The following RIMBP2 variants were observed in gnomAD, a reference collection of about 807,000 sequenced individuals.
RIMBP2 encodes the protein RIMS-binding protein 2.
RIMBP2 carries 48 observed loss-of-function variants against 118.6 expected under a neutral mutation model. That is an observed-to-expected ratio of 0.40 (90% CI 0.32 to 0.51). RIMBP2 has a LOEUF of 0.51. Ranked by LOEUF, RIMBP2 falls within the 20% of genes least tolerant of loss-of-function variation. The probability of loss-of-function intolerance (pLI) is 0.41; values close to 1 mark genes in which losing one functional copy is unlikely to be tolerated. For missense variants in RIMBP2, 1,551 were observed against 1,768.3 expected, an observed-to-expected ratio of 0.88 and a Z score of 2.20; for synonymous variants, 762 against 742.9, an observed-to-expected ratio of 1.03 and a Z score of -0.42.
In RIMBP2 at chr12:130,434,914, A is replaced by AG. The variant is rs1165596452; in HGVS notation, c.2107-35dup. On this transcript the variant is annotated intron_variant, in intron 13 of 22. Coordinates refer to ENST00000690449, the MANE Select transcript of RIMBP2 (RefSeq NM_001393629.1). The surrounding 1 kb of genome is among the most constrained non-coding windows in gnomAD (Gnocchi z 5.7). ...GAAAAAGGAGGCACACGGGTGAGGC[A>AG]GGGCCACCTTCAGCTACGCTCAGCC... 2 of 1,579,008 alleles carry AG rather than the reference A, an allele frequency of 1.3e-6. No individual in the cohort carries two copies. Among genetic ancestry groups the AG allele is most frequent in the African/African-American group, 2.7e-5 (2 of 73,714 alleles).
chr12:130,535,608 G>A (rs2053922055), intron 2 of RIMBP2, among the ~76,000 whole-genome samples: 1 of 151,050 alleles, frequency 6.6e-6, no homozygotes, highest in African/African-American at 2.4e-5. Context: ...CAACAAGCCT[G>A]TAAAACACAG....
chr12:130,494,250 G>T (rs1324100944), intron 4 of RIMBP2, among the ~76,000 whole-genome samples: 1 of 152,114 alleles, frequency 6.6e-6, no homozygotes, highest in African/African-American at 2.4e-5. Flanking sequence ...GCAAGCATCA[G>T]GCCTAGAAGT....
At chr12:130,616,006 C>T (rs565895119) in intron 2 of RIMBP2, among the ~76,000 whole-genome samples, 137 of 152,268 alleles carry the variant, frequency 9.0e-4, no homozygotes, top group African/African-American at 3.2e-3. Context: ...CTCTGGCAGG[C>T]ACCAGTCTCC....
chr12:130,541,792 C>G (rs1471818104), intron 2 of RIMBP2, among the ~76,000 whole-genome samples: 1 of 152,328 alleles, frequency 6.6e-6, no homozygotes, highest in South Asian at 2.1e-4. Flanking sequence ...GCTGCAGACA[C>G]TGTATTTGTA....
rs914489296 is a variant in RIMBP2 at position 130,688,415 on chromosome 12, G to A, written c.-352+27807C>T. ...TCTGGGGCCATTGGATAACACATACGTTTGCTTAGGTATCAGATCTAATGA... is the reference window on the plus strand; with the variant it reads ...TCTGGGGCCATTGGATAACACATACATTTGCTTAGGTATCAGATCTAATGA... On this transcript the variant is annotated intron_variant, in intron 1 of 22. Coordinates refer to ENST00000690449, the MANE Select transcript of RIMBP2 (RefSeq NM_001393629.1). The surrounding 1 kb of genome is among the most constrained non-coding windows in gnomAD (Gnocchi z 4.7). Among the ~76,000 whole-genome samples, 6 of 152,162 alleles carry A rather than the reference G, an allele frequency of 3.9e-5. No homozygotes were observed. Among genetic ancestry groups the A allele is most frequent in the Admixed American group, 1.3e-4 (2 of 15,284 alleles).
intron 8 of RIMBP2, 77 bp downstream of exon 8, chr12:130,451,117 CA>C: frequency 6.7e-7 from 1 of 1,492,654 alleles, no homozygotes; most frequent in Non-Finnish European, 9.1e-7. Flanking sequence ...GAAGAAAAAA[CA>C]GGACAAACTG....
intron 2 of RIMBP2, among the ~76,000 whole-genome samples, chr12:130,595,877 C>T (rs1018321150): frequency 1.3e-5 from 2 of 152,284 alleles, no homozygotes; most frequent in Middle Eastern, 3.4e-3. Context: ...AGCTTAAAGG[C>T]GGAAGGACTC....
Position 130,617,093 on chromosome 12 carries a change from G to A in RIMBP2, c.-217+11229C>T, listed in dbSNP as rs1329147563. Among the ~76,000 whole-genome samples, 4 of 152,126 alleles carry A rather than the reference G, an allele frequency of 2.6e-5. No homozygotes were observed. The highest frequency in any genetic ancestry group is 2.6e-4 in the Admixed American group (4 of 15,282). On this transcript the variant is annotated intron_variant, in intron 2 of 22. Coordinates refer to ENST00000690449, the MANE Select transcript of RIMBP2 (RefSeq NM_001393629.1). The surrounding 1 kb of genome is among the most constrained non-coding windows in gnomAD (Gnocchi z 4.6). ...CAGGACTGCCAGCCTTACATCTCAT[G>A]TTCTGAGCTTCCTGTGGGCCAGGCC...
intron 17 of RIMBP2, among the ~76,000 whole-genome samples, chr12:130,417,951 C>T (rs185956020): frequency 4.6e-5 from 7 of 152,140 alleles, no homozygotes; most frequent in East Asian, 1.9e-4. Flanking sequence ...GTGAGAAACA[C>T]GCCAGCTGGC....
chr12:130,634,630 C>T (rs2062230261), intron 1 of RIMBP2, among the ~76,000 whole-genome samples: 1 of 151,974 alleles, frequency 6.6e-6, no homozygotes, highest in Non-Finnish European at 1.5e-5. Context: ...CTCATTCTGC[C>T]ACCTAGGCTG....
At chr12:130,407,250 C>T (rs543138214) in intron 20 of RIMBP2, among the ~76,000 whole-genome samples, 1 of 152,232 alleles carries the variant, frequency 6.6e-6, no homozygotes, top group African/African-American at 2.4e-5. Flanking sequence ...CCCCACCTCT[C>T]ATTTCTGAAG....
intron 3 of RIMBP2, among the ~76,000 whole-genome samples, chr12:130,508,781 G>A (rs1028272006): frequency 7.2e-5 from 11 of 152,184 alleles, no homozygotes; most frequent in Non-Finnish European, 1.2e-4. Context: ...CCAGAGGACC[G>A]CCTGGCAGGG....
At chr12:130,640,399 A>T (rs1194019293) in intron 1 of RIMBP2, among the ~76,000 whole-genome samples, 1 of 152,186 alleles carries the variant, frequency 6.6e-6, no homozygotes, top group Admixed American at 6.5e-5. Context: ...CTTCAGCCCA[A>T]TTATTTCTTT....
intron 1 of RIMBP2, among the ~76,000 whole-genome samples, chr12:130,708,896 G>A (rs576198317): frequency 6.6e-5 from 10 of 152,262 alleles, no homozygotes; most frequent in African/African-American, 1.4e-4. Context: ...ACCCAGCTTC[G>A]CGGTCAGGCA....
At chr12:130,468,452 A>C (rs2080703532) in intron 6 of RIMBP2, among the ~76,000 whole-genome samples, 1 of 152,100 alleles carries the variant, frequency 6.6e-6, no homozygotes, top group Non-Finnish European at 1.5e-5. Context: ...CGGGGAACCC[A>C]CTTAGAGAAC....
intron 6 of RIMBP2, among the ~76,000 whole-genome samples, chr12:130,461,840 A>G (rs1043125640): frequency 6.6e-6 from 1 of 152,168 alleles, no homozygotes; most frequent in Non-Finnish European, 1.5e-5. Flanking sequence ...TGTACAGCCT[A>G]CAGGACCATC....
intron 5 of RIMBP2, chr12:130,472,353 A>T (rs953025820): frequency 6.6e-6 from 1 of 152,252 alleles, no homozygotes; most frequent in Non-Finnish European, 1.5e-5. Flanking sequence ...AATGAGACAG[A>T]GAAGAAAAGA....
chr12:130,642,122 G>A (rs9630245), intron 1 of RIMBP2, among the ~76,000 whole-genome samples: 137,095 of 152,056 alleles, frequency 0.9, 62,308 homozygotes, highest in Non-Finnish European at 0.96. Context: ...GAGCCTGAAA[G>A]ATCTTTGCAT....
At position 130,422,536 on chromosome 12, in the gene RIMBP2, C is replaced by G. The variant is rs144873935; in HGVS notation, c.3155G>C (p.Gly1052Ala). 16 of 1,610,932 alleles carry G rather than the reference C, an allele frequency of 9.9e-6. No individual in the cohort carries two copies. The African/African-American group carries it at 2.1e-4, about 22-fold the overall frequency. The change falls in exon 17 of 23, where the codon GGA (glycine) becomes GCA (alanine). Residue 1052 changes from glycine to alanine, a missense_variant. Around this residue, in one of 5 missense-constraint regions of RIMBP2, gnomAD observed 1,038 missense variants for 1,125.1 expected, o/e 0.92. Coordinates refer to ENST00000690449, the MANE Select transcript of RIMBP2 (RefSeq NM_001393629.1). The surrounding 1 kb of genome is among the most constrained non-coding windows in gnomAD (Gnocchi z 5.2). ...PLILGNPASA[G>A]RVDHMGRRFP... ...CCTCCGGCCCATGTGATCCACCCGT[C>G]CTGCAGAGGCTGGGTTCCCTAAAAT... is the stretch of plus-strand genomic sequence containing the variant.
Sources: allele counts gnomAD v4.1 joint callset (sites outside exome capture counted in the v4.1 genomes callset), GRCh38; gene constraint gnomAD v4.1.1; regional missense constraint gnomAD v4.1.1; non-coding constraint Gnocchi (gnomAD v3.1); transcripts MANE v1.5; gene names NCBI Gene and HGNC (gene_info 2026-07-23, HGNC 2026-07-21).